The following NEGR1 variants were observed in gnomAD, a reference collection of about 807,000 sequenced individuals.
NEGR1 encodes neuronal growth regulator 1.
NEGR1 carries 10 observed loss-of-function variants against 40.9 expected under a neutral mutation model. The ratio of observed to expected loss-of-function variants is 0.24; its 90% CI spans 0.15 to 0.42. The LOEUF is 0.42. Among genes scored for constraint, NEGR1 ranks in the 10% least tolerant of loss-of-function variants. The probability of loss-of-function intolerance (pLI) is 1.00; values close to 1 mark genes in which losing one functional copy is unlikely to be tolerated. For missense variants in NEGR1, 352 were observed against 438.9 expected (o/e 0.80, Z 1.77); for synonymous variants, 185 against 166.8 (o/e 1.11, Z -0.84).
intron 1 of NEGR1, among the ~76,000 whole-genome samples, chr1:72,009,271 T>A (rs1031759887): frequency 2.0e-5 from 3 of 152,112 alleles, no homozygotes; most frequent in African/African-American, 7.2e-5. Context: ...GTTCCTTTAT[T>A]GTCAACTATA....
At chr1:71,513,420 G>A (rs1041936250) in intron 6 of NEGR1, among the ~76,000 whole-genome samples, 15 of 152,168 alleles carry the variant, frequency 9.9e-5, no homozygotes, top group African/African-American at 3.4e-4. Flanking sequence ...TTTTTGAGTT[G>A]ATAAAATTGG....
chr1:71,925,879 AT>A (rs1645767791), intron 2 of NEGR1, among the ~76,000 whole-genome samples: 5 of 152,124 alleles, frequency 3.3e-5, no homozygotes, highest in Admixed American at 3.3e-4. Context: ...TTATAGAGAG[AT>A]TTTCATAGTG....
intron 1 of NEGR1, among the ~76,000 whole-genome samples, chr1:72,121,167 G>T (rs1029849297): frequency 2.6e-5 from 4 of 151,832 alleles, no homozygotes; most frequent in African/African-American, 7.3e-5. Context: ...ACAATGACAT[G>T]TGCAAACAAC....
chr1:72,157,549 C>T (rs1014129683), intron 1 of NEGR1, among the ~76,000 whole-genome samples: 1 of 152,126 alleles, frequency 6.6e-6, no homozygotes, highest in Non-Finnish European at 1.5e-5. Flanking sequence ...CCTTGTAAGG[C>T]TGTCTTCACA....
intron 2 of NEGR1, among the ~76,000 whole-genome samples, chr1:71,848,160 G>A (rs1659484852): frequency 6.6e-6 from 1 of 152,180 alleles, no homozygotes; most frequent in Non-Finnish European, 1.5e-5. Context: ...GCTAATAGAG[G>A]TTGGTTCATG....
intron 4 of NEGR1, among the ~76,000 whole-genome samples, chr1:71,662,484 G>C (rs12063253): frequency 6.6e-6 from 1 of 152,094 alleles, no homozygotes; most frequent in South Asian, 2.1e-4. Flanking sequence ...TAGATTTATA[G>C]ACTGAACCTT....
chr1:71,671,893 C>CTTT (rs10708807), intron 4 of NEGR1, among the ~76,000 whole-genome samples: 7 of 121,582 alleles, frequency 5.8e-5, no homozygotes, highest in African/African-American at 8.6e-5. Context: ...CTCTCTCTCT[C>CTTT]TTTTTTTTTT....
At chr1:71,818,213 T>C (rs901889952) in intron 2 of NEGR1, among the ~76,000 whole-genome samples, 3 of 152,010 alleles carry the variant, frequency 2.0e-5, no homozygotes, top group African/African-American at 2.4e-5. Context: ...TAAATCATTC[T>C]ACCATAAAGA....
At chr1:71,925,079 A>AAAAAT (rs779891483) in intron 2 of NEGR1, among the ~76,000 whole-genome samples, 6 of 152,186 alleles carry the variant, frequency 3.9e-5, no homozygotes, top group African/African-American at 1.2e-4. Flanking sequence ...TTGAGAGTCA[A>AAAAAT]AAAATAAAAT....
intron 2 of NEGR1, among the ~76,000 whole-genome samples, chr1:71,918,130 T>G (rs1389822233): frequency 2.1e-5 from 3 of 140,626 alleles, no homozygotes; most frequent in African/African-American, 8.1e-5. Context: ...GGCAGGAGAA[T>G]GGCGTGAACC....
At chr1:72,263,369 C>A (rs548681056) in intron 1 of NEGR1, among the ~76,000 whole-genome samples, 1 of 151,328 alleles carries the variant, frequency 6.6e-6, no homozygotes, top group Non-Finnish European at 1.5e-5. Context: ...ATATATAAGT[C>A]AGCTGAGGGA....
At chr1:72,072,698 C>T (rs1471018040) in intron 1 of NEGR1, among the ~76,000 whole-genome samples, 9 of 152,024 alleles carry the variant, frequency 5.9e-5, no homozygotes, top group Non-Finnish European at 1.3e-4. Context: ...GGCTGAGAGT[C>T]TTCTGGCTAG....
intron 3 of NEGR1, among the ~76,000 whole-genome samples, chr1:71,705,168 T>C (rs2101636352): frequency 6.6e-6 from 1 of 152,300 alleles, no homozygotes; most frequent in African/African-American, 2.4e-5. Context: ...GATGAAATGA[T>C]GTTTTCTTAC....
chr1:72,110,311 C>A (rs2100266093), intron 1 of NEGR1, among the ~76,000 whole-genome samples: 1 of 149,716 alleles, frequency 6.7e-6, no homozygotes, highest in South Asian at 2.1e-4. Flanking sequence ...AAGATTGTAG[C>A]TACATGACTG....
chr1:71,728,222 G>A (rs1480905839), intron 3 of NEGR1, among the ~76,000 whole-genome samples: 1 of 152,090 alleles, frequency 6.6e-6, no homozygotes, highest in African/African-American at 2.4e-5. Context: ...GTGGAATGTT[G>A]ATTTATTTCA....
intron 6 of NEGR1, among the ~76,000 whole-genome samples, chr1:71,530,145 T>G (rs372018993): frequency 2.8e-4 from 43 of 151,494 alleles, no homozygotes; most frequent in African/African-American, 9.9e-4. Flanking sequence ...TTATTTTACA[T>G]TCTCTTTTTC....
rs192042045 is a variant in NEGR1 at position 72,159,151 on chromosome 1, C to T, written c.176+123168G>A. 2.0e-5 allele frequency among the ~76,000 whole-genome samples: 3 copies of T among 152,198 alleles called. No homozygotes were observed. The East Asian group carries it at 5.8e-4, about 29-fold the overall frequency. On this transcript the variant is annotated intron_variant, in intron 1 of 6. Transcript: ENST00000357731. Reference sequence around the variant, plus strand: ...GTCCACTGCTATGCTGATTTTGATACTTCGGTTTTAAAATCTATGCAGGTT... The same window carrying T: ...GTCCACTGCTATGCTGATTTTGATATTTCGGTTTTAAAATCTATGCAGGTT...
At chr1:71,713,134 T>C (rs1186247494) in intron 3 of NEGR1, among the ~76,000 whole-genome samples, 1 of 152,248 alleles carries the variant, frequency 6.6e-6, no homozygotes, top group Non-Finnish European at 1.5e-5. Context: ...TTAACAACTG[T>C]TCCTTTGGTG....
intron 2 of NEGR1, among the ~76,000 whole-genome samples, chr1:71,864,562 C>T (rs552991836): frequency 6.6e-6 from 1 of 152,192 alleles, no homozygotes; most frequent in South Asian, 2.1e-4. Flanking sequence ...TGGCAGATGG[C>T]ATTTTTTATA....
Sources: allele counts gnomAD v4.1 joint callset (sites outside exome capture counted in the v4.1 genomes callset), GRCh38; gene constraint gnomAD v4.1.1; transcripts MANE v1.5; gene names NCBI Gene and HGNC (gene_info 2026-07-23, HGNC 2026-07-21).